The following TBC1D5 variants were observed in gnomAD, a reference collection of about 807,000 sequenced individuals.
TBC1D5 encodes TBC1 domain family, member 5.
A neutral mutation model predicts 100.3 loss-of-function variants in TBC1D5; 75 were observed. That is an observed-to-expected ratio of 0.75 (90% CI 0.62 to 0.91). The LOEUF (loss-of-function observed/expected upper bound fraction) is 0.91. Among genes scored for constraint, TBC1D5 ranks in the 40% least tolerant of loss-of-function variants. The probability of loss-of-function intolerance (pLI) is 0.00; values close to 1 mark genes in which losing one functional copy is unlikely to be tolerated. For synonymous variants in TBC1D5, 323 were observed against 325.6 expected (o/e 0.99, Z 0.09); for missense variants, 910 against 942.4 (o/e 0.97, Z 0.45).
intron 1 of TBC1D5, among the ~76,000 whole-genome samples, chr3:17,700,877 T>C (rs1292349528): frequency 2.0e-5 from 3 of 152,166 alleles, no homozygotes; most frequent in Non-Finnish European, 4.4e-5. Flanking sequence ...TTTACACTGT[T>C]GGTGGGACTG....
intron 2 of TBC1D5, among the ~76,000 whole-genome samples, chr3:17,550,548 C>CA (rs796439520): frequency 0.022 from 3,072 of 139,234 alleles, 81 homozygotes; most frequent in African/African-American, 0.069. Flanking sequence ...ACAACAACAA[C>CA]AAAAAAAAAA....
At chr3:17,696,180 A>G (rs1217537139) in intron 1 of TBC1D5, among the ~76,000 whole-genome samples, 1 of 152,186 alleles carries the variant, frequency 6.6e-6, no homozygotes, top group Non-Finnish European at 1.5e-5. Flanking sequence ...TAACATCACA[A>G]TTAAAAGAAA....
chr3:17,531,185 C>T (rs2096218715), intron 2 of TBC1D5, among the ~76,000 whole-genome samples: 2 of 152,156 alleles, frequency 1.3e-5, no homozygotes, highest in Admixed American at 1.3e-4. Flanking sequence ...TCTTATACAG[C>T]AATAACAGAC....
At chr3:17,337,787 A>G (rs151179866) in intron 13 of TBC1D5, among the ~76,000 whole-genome samples, 1 of 152,318 alleles carries the variant, frequency 6.6e-6, no homozygotes, top group Non-Finnish European at 1.5e-5. Context: ...TATTTTTACA[A>G]TAACTGTTAA....
At chr3:17,563,964 A>G (rs1046661173) in intron 2 of TBC1D5, among the ~76,000 whole-genome samples, 2 of 152,052 alleles carry the variant, frequency 1.3e-5, no homozygotes, top group Admixed American at 6.6e-5. Context: ...TTGTATTTTT[A>G]GTAGAGACGG....
At chr3:17,680,070 G>GA (rs2069237499) in intron 1 of TBC1D5, among the ~76,000 whole-genome samples, 2 of 151,212 alleles carry the variant, frequency 1.3e-5, no homozygotes. Context: ...GGAAACAATA[G>GA]AAAAAAGTCT....
intron 2 of TBC1D5, among the ~76,000 whole-genome samples, chr3:17,597,918 T>C (rs2060675264): frequency 6.6e-6 from 1 of 152,196 alleles, no homozygotes; most frequent in South Asian, 2.1e-4. Context: ...CTCTCTTCTA[T>C]ATATCCTGGT....
chr3:17,371,653 G>A (rs2092465688), intron 13 of TBC1D5, among the ~76,000 whole-genome samples: 1 of 152,166 alleles, frequency 6.6e-6, no homozygotes, highest in Non-Finnish European at 1.5e-5. Flanking sequence ...ACACAAAAGA[G>A]ATGTGAAATA....
At chr3:17,516,776 T>G (rs2095994796) in intron 2 of TBC1D5, among the ~76,000 whole-genome samples, 1 of 152,188 alleles carries the variant, frequency 6.6e-6, no homozygotes, top group South Asian at 2.1e-4. Context: ...ACTGGTAAAC[T>G]AAACATCGCT....
chr3:17,365,107 A>C (rs2092022680), intron 13 of TBC1D5, among the ~76,000 whole-genome samples: 1 of 152,156 alleles, frequency 6.6e-6, no homozygotes, highest in African/African-American at 2.4e-5. Flanking sequence ...GATTTAAATT[A>C]TTTTCACTGC....
chr3:17,374,575 C>T (rs1157129016), intron 11 of TBC1D5, 35 bp from the exon 12 acceptor site: 1 of 1,609,062 alleles, frequency 6.2e-7, no homozygotes. Flanking sequence ...ATGTAACTTT[C>T]ATTAAAATAA....
intron 3 of TBC1D5, among the ~76,000 whole-genome samples, chr3:17,446,668 C>T (rs1384322153): frequency 6.6e-6 from 1 of 152,124 alleles, no homozygotes; most frequent in Admixed American, 6.5e-5. Context: ...AAGTAAAAGC[C>T]CAAATTTTAA....
At chr3:17,619,403 G>A (rs898075708) in intron 2 of TBC1D5, among the ~76,000 whole-genome samples, 6 of 152,098 alleles carry the variant, frequency 3.9e-5, no homozygotes, top group African/African-American at 1.4e-4. Context: ...AAACAGTGTA[G>A]GACTGCTACA....
chr3:17,523,479 G>C (rs1476583658), intron 2 of TBC1D5, among the ~76,000 whole-genome samples: 1 of 152,114 alleles, frequency 6.6e-6, no homozygotes, highest in Non-Finnish European at 1.5e-5. Context: ...TTATGGAGAA[G>C]GGAATATCTA....
chr3:17,373,395 A>T (rs17273013), intron 12 of TBC1D5, among the ~76,000 whole-genome samples: 2,873 of 152,280 alleles, frequency 0.019, 46 homozygotes, highest in Non-Finnish European at 0.03. Flanking sequence ...AACAGTATCC[A>T]TTGCCAGAAG....
intron 2 of TBC1D5, among the ~76,000 whole-genome samples, chr3:17,552,017 G>A (rs2096478268): frequency 6.6e-6 from 1 of 151,998 alleles, no homozygotes; most frequent in Admixed American, 6.6e-5. Flanking sequence ...TGCAGCACCT[G>A]AGCAATGGCA....
intron 19 of TBC1D5, among the ~76,000 whole-genome samples, chr3:17,174,752 C>T (rs1280213251): frequency 6.6e-6 from 1 of 152,144 alleles, no homozygotes; most frequent in Admixed American, 6.5e-5. Context: ...TGCTACCATG[C>T]CTGGCTAATT....
At chr3:17,212,615 C>G (rs2073114931) in intron 18 of TBC1D5, among the ~76,000 whole-genome samples, 1 of 151,978 alleles carries the variant, frequency 6.6e-6, no homozygotes, top group Admixed American at 6.6e-5. Flanking sequence ...TCACTGCCCC[C>G]AAAGACCCTC....
At chr3:17,507,558 C>A (rs1457172798) in intron 3 of TBC1D5, among the ~76,000 whole-genome samples, 2 of 152,076 alleles carry the variant, frequency 1.3e-5, no homozygotes, top group Non-Finnish European at 2.9e-5. Context: ...GAGTTAAAAG[C>A]AGACTTTGGC....
Sources: gnomAD v4.1 joint callset for allele counts (sites outside exome capture counted in the v4.1 genomes callset) on GRCh38, gnomAD v4.1.1 for gene constraint, MANE v1.5 for transcripts, NCBI Gene and HGNC (gene_info 2026-07-23, HGNC 2026-07-21) for gene names.